Variants in RBFOX3 observed in about 807,000 individuals in gnomAD.
The protein encoded by RBFOX3 is RNA binding protein fox-1 homolog 3.
In RBFOX3, 17 loss-of-function variants were observed where a neutral mutation model predicts 48.7. The observed-to-expected ratio is 0.35, with a 90% CI of 0.24 to 0.52. The LOEUF (loss-of-function observed/expected upper bound fraction) is 0.52, where lower values mean the gene tolerates loss of function less well. RBFOX3 is among the 20% of genes least tolerant of loss of function. The pLI, the probability that RBFOX3 is intolerant of heterozygous loss-of-function variation, is 0.94. For missense variants in RBFOX3, 382 were observed against 497.5 expected (o/e 0.77, Z 2.21); for synonymous variants, 212 against 209.5 (o/e 1.01, Z -0.10).
intron 1 of RBFOX3, among the ~76,000 whole-genome samples, chr17:79,578,819 A>T (rs2092948875): frequency 6.6e-6 from 1 of 152,240 alleles, no homozygotes. Flanking sequence ...AGATCATTCC[A>T]GAATTCCACC....
At chr17:79,102,306 G>A (rs2076592366) in intron 8 of RBFOX3, among the ~76,000 whole-genome samples, 1 of 152,210 alleles carries the variant, frequency 6.6e-6, no homozygotes, top group Non-Finnish European at 1.5e-5. Context: ...TGGGTCCCAG[G>A]AAGGGGTCTG....
At chr17:79,485,845 T>C (rs2079515130) in intron 1 of RBFOX3, among the ~76,000 whole-genome samples, 1 of 152,170 alleles carries the variant, frequency 6.6e-6, no homozygotes, top group Non-Finnish European at 1.5e-5. Context: ...CGCTGCATCC[T>C]AGCCCCACCG....
At chr17:79,189,729 C>T (rs1472856416) in intron 4 of RBFOX3, among the ~76,000 whole-genome samples, 1 of 152,188 alleles carries the variant, frequency 6.6e-6, no homozygotes, top group Admixed American at 6.5e-5. Context: ...CTCAGCTGAC[C>T]CACCAGCCCC....
chr17:79,265,568 G>A (rs1214351974), intron 3 of RBFOX3, among the ~76,000 whole-genome samples: 2 of 152,220 alleles, frequency 1.3e-5, no homozygotes, highest in Non-Finnish European at 2.9e-5. Flanking sequence ...TTTTAGATAT[G>A]TGTAGCAGTT....
At chr17:79,594,460 C>T (rs2145175148) in intron 1 of RBFOX3, among the ~76,000 whole-genome samples, 1 of 152,288 alleles carries the variant, frequency 6.6e-6, no homozygotes, top group Non-Finnish European at 1.5e-5. Context: ...CAGCCCCCTC[C>T]AGGCTCTGCC....
At chr17:79,459,879 T>C (rs1238945815) in intron 2 of RBFOX3, among the ~76,000 whole-genome samples, 1 of 152,204 alleles carries the variant, frequency 6.6e-6, no homozygotes, top group Non-Finnish European at 1.5e-5. Context: ...GTCTATTGTG[T>C]GACTGGAATA....
At chr17:79,398,621 C>T (rs1424859880) in intron 2 of RBFOX3, among the ~76,000 whole-genome samples, 1 of 152,214 alleles carries the variant, frequency 6.6e-6, no homozygotes, top group Non-Finnish European at 1.5e-5. Flanking sequence ...TGCCCTGCAG[C>T]GTACAGGGCG....
chr17:79,631,741 G>A, the RBFOX3 span, among the ~76,000 whole-genome samples: 1 of 152,188 alleles, frequency 6.6e-6, no homozygotes, highest in African/African-American at 2.4e-5. Context: ...GGGGCCAGAA[G>A]ATGGAGAAAT....
At chr17:79,090,990 G>A in intron 14 of RBFOX3, 105 bp from the exon 15 acceptor site, 1 of 1,158,970 alleles carries the variant, frequency 8.6e-7, no homozygotes, top group Non-Finnish European at 1.2e-6. Flanking sequence ...CTAAAGTCCT[G>A]GCGCCGCCAC....
At chr17:79,546,043 G>C (rs77607363) in intron 1 of RBFOX3, among the ~76,000 whole-genome samples, 1,993 of 152,344 alleles carry the variant, frequency 0.013, 44 homozygotes, top group African/African-American at 0.045. Context: ...TCAGATATGT[G>C]GATACCTCTC....
intron 1 of RBFOX3, among the ~76,000 whole-genome samples, chr17:79,580,204 A>G (rs1255626848): frequency 6.6e-6 from 1 of 150,606 alleles, no homozygotes; most frequent in Non-Finnish European, 1.5e-5. Context: ...CAGTCCACCC[A>G]GTCCCTGCCC....
intron 1 of RBFOX3, among the ~76,000 whole-genome samples, chr17:79,526,923 C>T (rs1424215777): frequency 7.2e-5 from 11 of 152,242 alleles, no homozygotes; most frequent in Non-Finnish European, 1.2e-4. Context: ...CAGCCAGCCA[C>T]GCTGGAGGCT....
At chr17:79,142,276 G>GCAT (rs1283896334) in intron 4 of RBFOX3, among the ~76,000 whole-genome samples, 1 of 152,226 alleles carries the variant, frequency 6.6e-6, no homozygotes, top group African/African-American at 2.4e-5. Flanking sequence ...CTGCCTCTGG[G>GCAT]GATGGGGAGG....
chr17:79,608,319 C>G (rs2093883661), intron 1 of RBFOX3, among the ~76,000 whole-genome samples: 1 of 152,238 alleles, frequency 6.6e-6, no homozygotes, highest in Non-Finnish European at 1.5e-5. Flanking sequence ...AAGGCCCATC[C>G]GAGTAAGGGG....
chr17:79,642,148 T>G, the RBFOX3 span, among the ~76,000 whole-genome samples: 1 of 152,110 alleles, frequency 6.6e-6, no homozygotes, highest in Non-Finnish European at 1.5e-5. Flanking sequence ...CACTTATATG[T>G]GGAATCTAAA....
intron 1 of RBFOX3, among the ~76,000 whole-genome samples, chr17:79,537,895 G>A (rs2089084481): frequency 6.6e-6 from 1 of 152,154 alleles, no homozygotes; most frequent in South Asian, 2.1e-4. Context: ...GATGGGGGTG[G>A]GGGAGATGAA....
intron 3 of RBFOX3, among the ~76,000 whole-genome samples, chr17:79,257,388 C>T (rs901570527): frequency 1.1e-4 from 17 of 152,206 alleles, no homozygotes; most frequent in Admixed American, 7.9e-4. Flanking sequence ...AATACAAACC[C>T]GAGACCAAAA....
chr17:79,271,487 C>T (rs11650709), intron 3 of RBFOX3, among the ~76,000 whole-genome samples: 89,847 of 152,104 alleles, frequency 0.59, 27,552 homozygotes, highest in East Asian at 0.8. Flanking sequence ...GCTCATTAGC[C>T]GCTCTTTGCG....
chr17:79,652,574 A>AAGGCG, the RBFOX3 span, among the ~76,000 whole-genome samples: 1 of 57,090 alleles, frequency 1.8e-5, no homozygotes, highest in Non-Finnish European at 3.4e-5. Flanking sequence ...AAGGAAAGGA[A>AAGGCG]AGGAGAGGAG....
Sources: gnomAD v4.1 joint callset for allele counts (sites outside exome capture counted in the v4.1 genomes callset) on GRCh38, gnomAD v4.1.1 for gene constraint, MANE v1.5 for transcripts, NCBI Gene and HGNC (gene_info 2026-07-23, HGNC 2026-07-21) for gene names.